Variants in NUMBL observed in about 807,000 individuals in gnomAD.
The protein encoded by NUMBL is numb-like protein.
NUMBL carries 20 observed loss-of-function variants against 48.9 expected under a neutral mutation model. That is an observed-to-expected ratio of 0.41 (90% CI 0.29 to 0.59). NUMBL has a LOEUF of 0.59. NUMBL is among the 20% of genes least tolerant of loss of function. The pLI is 0.31. For missense variants in NUMBL, 660 were observed against 846.2 expected (o/e 0.78, Z 2.73); for synonymous variants, 340 against 348.7 (o/e 0.98, Z 0.28).
intron 1 of NUMBL, among the ~76,000 whole-genome samples, chr19:40,689,294 C>A (rs1281154602): frequency 6.6e-6 from 1 of 152,140 alleles, no homozygotes; most frequent in Non-Finnish European, 1.5e-5. Context: ...CAACCATGCA[C>A]ACCTCCAAAC....
At chr19:40,684,675 GT>G in intron 2 of NUMBL, 119 bp from the exon 3 acceptor site, 2 of 1,369,144 alleles carry the variant, frequency 1.5e-6, no homozygotes, top group Non-Finnish European at 9.7e-7. Flanking sequence ...TGGAAGCGGG[GT>G]TACAGGGTCA....
intron 2 of NUMBL, chr19:40,685,503 G>A (rs1160356628): frequency 6.5e-6 from 1 of 153,938 alleles, no homozygotes; most frequent in East Asian, 1.9e-4. Flanking sequence ...CAAAAGTGTG[G>A]TTGTTGTCTG....
Position 40,667,292 on chromosome 19 carries a change from G to T in NUMBL, c.*176C>A. 1 of 921,898 alleles carries T rather than the reference G, an allele frequency of 1.1e-6. No homozygotes were observed. Among genetic ancestry groups the T allele is most frequent in the Non-Finnish European group, 1.6e-6 (1 of 631,830 alleles). 57.1% of individuals were successfully genotyped at this position (921,898 alleles called of 1,614,324 possible). A position where few individuals can be genotyped will look rare whatever the true frequency, so the allele number is the denominator to read the frequency against. On this transcript the variant is annotated 3_prime_UTR_variant, in exon 10 of 10. Coordinates refer to ENST00000252891, the MANE Select transcript of NUMBL (RefSeq NM_004756.5). This position sits in a 1 kb window ranked among gnomAD's most constrained non-coding sequence, Gnocchi z 6.1. ...GTCCGTCCCTGAATTCCATCCTGTT[G>T]CAACCTGGGCGTCACAATGTTGGTT...
intron 6 of NUMBL, among the ~76,000 whole-genome samples, chr19:40,679,716 A>T (rs556079621): frequency 6.6e-6 from 1 of 152,314 alleles, no homozygotes; most frequent in East Asian, 1.9e-4. Context: ...CTAAGTAAAG[A>T]AGCCAGACAC....
chr19:40,667,597 C>A lies in NUMBL; in HGVS notation c.1701G>T (p.Ala567=), dbSNP rs747537068. The A allele has an allele frequency of 1.3e-6, 2 of 1,554,900 alleles. No individual in the cohort carries two copies. Among genetic ancestry groups the A allele is most frequent in the Non-Finnish European group, 1.7e-6 (2 of 1,149,244 alleles). ...PNGAPWPPEP[A]PAPAPELDPF... The stretch of plus-strand genomic sequence containing the variant: ...GGTCCAACTCTGGAGCTGGGGCAGG[C>A]GCTGGCTCAGGGGGCCAGGGGGCCC... The change falls in exon 10 of 10, where the codon GCG becomes GCT. Residue 567 remains alanine, a synonymous_variant. Transcript: ENST00000252891. This position sits in a 1 kb window ranked among gnomAD's most constrained non-coding sequence, Gnocchi z 6.1.
In NUMBL at chr19:40,673,866, C is replaced by T. The variant is rs1201016644; in HGVS notation, c.731-217G>A. On this transcript the variant is annotated intron_variant, in intron 7 of 9. Coordinates refer to ENST00000252891, the MANE Select transcript of NUMBL (RefSeq NM_004756.5). The surrounding 1 kb of genome is among the most constrained non-coding windows in gnomAD (Gnocchi z 5.9). Reference sequence around the variant, plus strand: ...CTTGGAAAACCGTCCCCCAGGCTCACCCTCTGTGTCTCTCCAGCTTCCTGC... The same window carrying T: ...CTTGGAAAACCGTCCCCCAGGCTCATCCTCTGTGTCTCTCCAGCTTCCTGC... Among the ~76,000 whole-genome samples, 1 of 152,084 alleles carries T rather than the reference C, an allele frequency of 6.6e-6. No homozygotes were observed. Among genetic ancestry groups the T allele is most frequent in the African/African-American group, 2.4e-5 (1 of 41,412 alleles).
At chr19:40,677,487 T>G in intron 6 of NUMBL, 66 bp from the exon 7 acceptor site, 1 of 1,475,494 alleles carries the variant, frequency 6.8e-7, no homozygotes, top group South Asian at 1.2e-5. Flanking sequence ...CCAGGGGCAC[T>G]GGGTTATAGC....
At position 40,682,197 on chromosome 19, in the gene NUMBL, G is replaced by A. The variant is rs552696401; in HGVS notation, c.399+531C>T. The stretch of plus-strand genomic sequence containing the variant: ...GCTGGAGTGCAATGGCATGATCTCC[G>A]CTCACCGCAACCTCCAAGTCTCGGG... On this transcript the variant is annotated intron_variant, in intron 5 of 9. Coordinates refer to ENST00000252891, the MANE Select transcript of NUMBL (RefSeq NM_004756.5). This position sits in a 1 kb window ranked among gnomAD's most constrained non-coding sequence, Gnocchi z 4.0. 1.2e-3 allele frequency among the ~76,000 whole-genome samples: 178 copies of A among 152,014 alleles called. No individual in the cohort carries two copies. Among genetic ancestry groups the A allele is most frequent in the Non-Finnish European group, 2.1e-3 (143 of 67,982 alleles).
At chr19:40,670,153 G>T in intron 8 of NUMBL, 133 bp from the exon 9 acceptor site, 1 of 1,092,102 alleles carries the variant, frequency 9.2e-7, no homozygotes, top group Non-Finnish European at 1.3e-6. Context: ...AAGTGGCCAT[G>T]ACCGCCAAAT....
At chr19:40,683,027 A>C in intron 3 of NUMBL, 59 bp from the exon 4 acceptor site, 2 of 1,448,330 alleles carry the variant, frequency 1.4e-6, no homozygotes, top group Non-Finnish European at 1.9e-6. Context: ...ACTCATTCTC[A>C]GTGTCCACTG....
rs757574949 is a variant in NUMBL at position 40,667,669 on chromosome 19, A to G, written c.1629T>C (p.Pro543=). 2.0e-5 allele frequency: 32 copies of G among 1,567,374 alleles called. No homozygotes were observed. The highest frequency in any genetic ancestry group is 2.7e-5 in the Non-Finnish European group (31 of 1,156,516). Residue 543 remains proline (P), a synonymous_variant, in exon 10 of 10, where the codon CCT becomes CCC. Coordinates refer to ENST00000252891, the MANE Select transcript of NUMBL (RefSeq NM_004756.5). The surrounding 1 kb of genome is among the most constrained non-coding windows in gnomAD (Gnocchi z 6.1). The part of the protein sequence containing the change: ...LLGKAGAFPP[P]AIPSAPGSQA... ...GGCTCCCAGGGGCACTGGGTATGGC[A>G]GGGGGCGGGAAGGCCCCAGCTTTCC... is the stretch of plus-strand genomic sequence containing the variant.
At chr19:40,684,361 A>G in intron 3 of NUMBL, 56 bp downstream of exon 3, 1 of 1,521,768 alleles carries the variant, frequency 6.6e-7, no homozygotes, top group South Asian at 1.2e-5. Flanking sequence ...CCCGCACAGC[A>G]CAGCACAGCG....
intron 6 of NUMBL, 107 bp downstream of exon 6, chr19:40,680,810 G>A (rs2081901103): frequency 1.6e-6 from 2 of 1,230,188 alleles, no homozygotes; most frequent in Admixed American, 3.8e-5. Context: ...TGAGGAAACT[G>A]GGCACACAGA....
intron 2 of NUMBL, chr19:40,686,153 CTTTTTT>C (rs35951088): frequency 6.9e-6 from 1 of 144,022 alleles, no homozygotes; most frequent in Non-Finnish European, 1.5e-5. Flanking sequence ...GAGTGTGTCT[CTTTTTT>C]TTTTTTTTGA....
chr19:40,682,795 C>G lies in NUMBL; in HGVS notation c.332G>C (p.Arg111Pro). ...CCACAGGACAGACTTCACGGACTTT[C>G]GGCCCATCTGGAGGGAGGCAAGGGG... is the stretch of plus-strand genomic sequence containing the variant. ...DAVKKLKAMGRKSVKSVLWVS... is the reference protein window; with the variant it reads ...DAVKKLKAMGPKSVKSVLWVS... Residue 111 changes from arginine (R) to proline (P), a missense_variant, in exon 5 of 10, where the codon CGA becomes CCA. Coordinates refer to ENST00000252891, the MANE Select transcript of NUMBL (RefSeq NM_004756.5). The surrounding 1 kb of genome is among the most constrained non-coding windows in gnomAD (Gnocchi z 4.0). 1 of 1,614,176 alleles carries G rather than the reference C, an allele frequency of 6.2e-7. No homozygotes were observed. Among genetic ancestry groups the G allele is most frequent in the East Asian group, 2.2e-5 (1 of 44,872 alleles).
chr19:40,667,500 C>A lies in NUMBL; in HGVS notation c.1798G>T (p.Asp600Tyr). The A allele has an allele frequency of 6.3e-7, 1 of 1,597,946 alleles. No individual in the cohort carries two copies. Among genetic ancestry groups the A allele is most frequent in the Non-Finnish European group, 8.5e-7 (1 of 1,172,338 alleles). ...TCAATCTCGAATGTCTTTTGCAGGT[C>A]GCCAGAAAAGGGGTTGGAGGGTTTC... Reference protein sequence around the residue: ...VEKPSNPFSGDLQKTFEIEL With the variant: ...VEKPSNPFSGYLQKTFEIEL Residue 600 changes from aspartate (D) to tyrosine (Y), a missense_variant, in exon 10 of 10, where the codon GAC (aspartate) becomes TAC (tyrosine). Coordinates refer to ENST00000252891, the MANE Select transcript of NUMBL (RefSeq NM_004756.5). This position sits in a 1 kb window ranked among gnomAD's most constrained non-coding sequence, Gnocchi z 6.1.
At position 40,667,118 on chromosome 19, in the gene NUMBL, C is replaced by G; in HGVS notation, c.*350G>C. 1 of 319,446 alleles carries G rather than the reference C, an allele frequency of 3.1e-6. No homozygotes were observed. The allele number at this position is 319,446 out of a possible 1,614,324, so 19.8% of individuals were successfully genotyped here. A position where few individuals can be genotyped will look rare whatever the true frequency, so the allele number is the denominator to read the frequency against. On this transcript the variant is annotated 3_prime_UTR_variant, in exon 10 of 10. Coordinates refer to ENST00000252891, the MANE Select transcript of NUMBL (RefSeq NM_004756.5). This position sits in a 1 kb window ranked among gnomAD's most constrained non-coding sequence, Gnocchi z 6.1. ...TGTCCCCCCTCCATCCTGTCCAACA[C>G]TGGAAGGTGGGGGTCAACAGAAACT...
chr19:40,689,176 C>T lies in NUMBL; in HGVS notation c.24+1284G>A, dbSNP rs756520517. Among the ~76,000 whole-genome samples, 12 of 152,134 alleles carry T rather than the reference C, an allele frequency of 7.9e-5. No homozygotes were observed. The East Asian group carries it at 1.2e-3, about 15-fold the overall frequency. On this transcript the variant is annotated intron_variant, in intron 1 of 9. Coordinates refer to ENST00000252891, the MANE Select transcript of NUMBL (RefSeq NM_004756.5). The stretch of plus-strand genomic sequence containing the variant: ...CTCCACCCACGTCCTGTCAGTCACA[C>T]GCATGCCCACCCCCAGACTCAACAC...
chr19:40,682,145 C>T lies in NUMBL; in HGVS notation c.399+583G>A, dbSNP rs749985171. Among the ~76,000 whole-genome samples, 6 of 152,100 alleles carry T rather than the reference C, an allele frequency of 3.9e-5. No homozygotes were observed. The highest frequency in any genetic ancestry group is 2.0e-4 in the Admixed American group (3 of 15,274). On this transcript the variant is annotated intron_variant, in intron 5 of 9. Coordinates refer to ENST00000252891, the MANE Select transcript of NUMBL (RefSeq NM_004756.5). The surrounding 1 kb of genome is among the most constrained non-coding windows in gnomAD (Gnocchi z 4.0). ...GTCTATTATAATCCCTGTTTTTCTGCGATGGAGTTTAGCTCTTGTTGCCCA... is the reference window on the plus strand; with the variant it reads ...GTCTATTATAATCCCTGTTTTTCTGTGATGGAGTTTAGCTCTTGTTGCCCA...
Sources: gnomAD v4.1 joint callset for allele counts (sites outside exome capture counted in the v4.1 genomes callset) on GRCh38, gnomAD v4.1.1 for gene constraint, Gnocchi (gnomAD v3.1) non-coding constraint, MANE v1.5 for transcripts, NCBI Gene and HGNC (gene_info 2026-07-23, HGNC 2026-07-21) for gene names.